Variants in SPATS2L observed in about 807,000 individuals in gnomAD.
The protein encoded by SPATS2L is SPATS2-like protein.
Under a neutral mutation model 59.6 loss-of-function variants are expected in SPATS2L, and 30 were observed. That is an observed-to-expected ratio of 0.50 (90% confidence interval 0.38 to 0.68). The LOEUF is 0.68. SPATS2L is among the 30% of genes least tolerant of loss of function. The probability of loss-of-function intolerance (pLI) is 0.00; values close to 1 mark genes in which losing one functional copy is unlikely to be tolerated. For missense variants in SPATS2L, 615 were observed against 700.0 expected (o/e 0.88, Z 1.37); for synonymous variants, 252 against 263.5 (o/e 0.96, Z 0.42).
At chr2:200,393,568 AT>A (rs1476552142) in intron 3 of SPATS2L, among the ~76,000 whole-genome samples, 7 of 152,232 alleles carry the variant, frequency 4.6e-5, no homozygotes, top group African/African-American at 1.7e-4. Context: ...TATTTAGTGA[AT>A]TCCATCTTCC....
intron 4 of SPATS2L, among the ~76,000 whole-genome samples, chr2:200,415,668 A>G (rs575236327): frequency 3.3e-5 from 5 of 152,126 alleles, no homozygotes; most frequent in South Asian, 2.1e-4. Context: ...TAATTTAATT[A>G]GGCATTTAAT....
At chr2:200,423,330 C>T (rs892729658) in intron 6 of SPATS2L, among the ~76,000 whole-genome samples, 1 of 152,256 alleles carries the variant, frequency 6.6e-6, no homozygotes, top group African/African-American at 2.4e-5. Context: ...TACTGGCAAT[C>T]GCAAGAGCTC....
intron 1 of SPATS2L, among the ~76,000 whole-genome samples, chr2:200,326,538 CT>C (rs1411798342): frequency 6.6e-6 from 1 of 152,110 alleles, no homozygotes; most frequent in Non-Finnish European, 1.5e-5. Context: ...GAAAGATGTC[CT>C]CTTTGAGGTT....
At chr2:200,440,536 A>G in intron 7 of SPATS2L, 113 bp from the exon 8 acceptor site, 1 of 1,029,676 alleles carries the variant, frequency 9.7e-7, no homozygotes, top group Non-Finnish European at 1.4e-6. Context: ...AACTTTTACT[A>G]GACAAAAGAT....
At chr2:200,467,534 G>C in intron 10 of SPATS2L, 135 bp downstream of exon 10, 1 of 640,666 alleles carries the variant, frequency 1.6e-6, no homozygotes, top group East Asian at 2.8e-5. Context: ...GGTGGAAATA[G>C]AGAACACAGA....
chr2:200,306,862 C>A lies in SPATS2L; in HGVS notation c.-133C>A, dbSNP rs1180287174. The stretch of plus-strand genomic sequence containing the variant: ...GCCACCGCCGCGGCGCCTCCCCTGG[C>A]GACCGCGCCCCCGGGCCCCGGCTCC... On this transcript the variant is annotated 5_prime_UTR_variant, in exon 1 of 13. Transcript: ENST00000409140. The A allele has an allele frequency of 3.1e-6, 3 of 980,800 alleles. No individual in the cohort carries two copies. Among genetic ancestry groups the A allele is most frequent in the Non-Finnish European group, 3.6e-6 (3 of 828,160 alleles). The allele number at this position is 980,800 out of a possible 1,614,324, so 60.8% of individuals were successfully genotyped here. A position where few individuals can be genotyped will look rare whatever the true frequency, so the allele number is the denominator to read the frequency against.
At chr2:200,427,682 T>C (rs909236553) in intron 6 of SPATS2L, among the ~76,000 whole-genome samples, 1 of 152,106 alleles carries the variant, frequency 6.6e-6, no homozygotes, top group Non-Finnish European at 1.5e-5. Context: ...TAATAAAGTA[T>C]ATCTGTATTT....
intron 1 of SPATS2L, among the ~76,000 whole-genome samples, chr2:200,316,698 C>A (rs752716414): frequency 2.6e-4 from 40 of 152,146 alleles, no homozygotes; most frequent in Non-Finnish European, 4.9e-4. Flanking sequence ...TGTGGAGGGA[C>A]CCCAAGTTGT....
chr2:200,400,048 A>G (rs1489858555), intron 3 of SPATS2L, among the ~76,000 whole-genome samples: 1 of 152,232 alleles, frequency 6.6e-6, no homozygotes, highest in East Asian at 1.9e-4. Context: ...GAAAATGAGA[A>G]GAAAGATTTT....
At chr2:200,448,355 T>G (rs1481688908) in intron 8 of SPATS2L, among the ~76,000 whole-genome samples, 1 of 152,074 alleles carries the variant, frequency 6.6e-6, no homozygotes. Flanking sequence ...GGCAGGAGAA[T>G]CACTTGAACC....
chr2:200,333,460 T>G (rs994648158), intron 2 of SPATS2L, among the ~76,000 whole-genome samples: 17 of 151,816 alleles, frequency 1.1e-4, no homozygotes, highest in Non-Finnish European at 1.2e-4. Flanking sequence ...GTTGGGAGTT[T>G]GGGGTACAAG....
chr2:200,389,105 C>A, intron 2 of SPATS2L, 118 bp from the exon 3 acceptor site: 1 of 646,874 alleles, frequency 1.5e-6, no homozygotes. Flanking sequence ...TTTTTACATT[C>A]TAAAATGATA....
At position 200,481,424 on chromosome 2, in the gene SPATS2L, G is replaced by T. The variant is rs1559176335; in HGVS notation, c.*3393G>T. On this transcript the variant is annotated 3_prime_UTR_variant, in exon 13 of 13. Coordinates refer to ENST00000409140, the MANE Select transcript of SPATS2L (RefSeq NM_001100423.2). ...TTTCACCATGAGAAGTGGGGATCAA[G>T]GGCCTGCGCAGTTCTTTTCCTAAAT... 6.6e-6 allele frequency: 1 copy of T among 152,184 alleles called. No homozygotes were observed. The highest frequency in any genetic ancestry group is 1.5e-5 in the Non-Finnish European group (1 of 68,044). The allele number at this position is 152,184 out of a possible 1,614,324, so 9.4% of individuals were successfully genotyped here.
intron 8 of SPATS2L, among the ~76,000 whole-genome samples, chr2:200,451,582 G>A (rs2085445965): frequency 6.6e-6 from 1 of 152,160 alleles, no homozygotes; most frequent in South Asian, 2.1e-4. Context: ...ACCTGTGATT[G>A]TGGGGAAGAG....
At chr2:200,337,819 A>G (rs2080191699) in intron 2 of SPATS2L, among the ~76,000 whole-genome samples, 1 of 152,142 alleles carries the variant, frequency 6.6e-6, no homozygotes, top group Non-Finnish European at 1.5e-5. Flanking sequence ...ACATTACATA[A>G]GATATTCAGC....
rs746254224 is a variant in SPATS2L, at chr2:200,478,078, C to T, written c.*47C>T. On this transcript the variant is annotated 3_prime_UTR_variant, in exon 13 of 13. Transcript: ENST00000409140. ...TTTCACTCAGTTTTGGTTCCCTGCC[C>T]GAGGTGCTGACCCAATTCGCTGCCA... 1.5e-5 allele frequency: 22 copies of T among 1,502,160 alleles called. No homozygotes were observed. The highest frequency in any genetic ancestry group is 2.8e-5 in the African/African-American group (2 of 71,484). 93.1% of individuals were successfully genotyped at this position (1,502,160 alleles called of 1,614,324 possible).
intron 3 of SPATS2L, chr2:200,390,050 C>A (rs1242443494): frequency 6.6e-6 from 1 of 152,282 alleles, no homozygotes; most frequent in Non-Finnish European, 1.5e-5. Context: ...AGTGGGAGAG[C>A]CTGGACAGGA....
At chr2:200,307,168 G>T (rs1425469076) in intron 1 of SPATS2L, among the ~76,000 whole-genome samples, 1 of 151,236 alleles carries the variant, frequency 6.6e-6, no homozygotes, top group Non-Finnish European at 1.5e-5. Flanking sequence ...GGGCAAGCGG[G>T]AGGAGGCGCC....
intron 2 of SPATS2L, among the ~76,000 whole-genome samples, chr2:200,386,953 C>T (rs568937502): frequency 2.6e-5 from 4 of 152,308 alleles, no homozygotes; most frequent in Admixed American, 2.0e-4. Flanking sequence ...ATCCAGAAGT[C>T]TTCCAATATA....
Sources: allele counts gnomAD v4.1 joint callset (sites outside exome capture counted in the v4.1 genomes callset), GRCh38; gene constraint gnomAD v4.1.1; transcripts MANE v1.5; gene names NCBI Gene and HGNC (gene_info 2026-07-23, HGNC 2026-07-21).